The following RANBP17 variants were observed in gnomAD, a reference collection of about 807,000 sequenced individuals.
RANBP17 encodes the protein ran-binding protein 17.
In RANBP17, 158 loss-of-function variants were observed where a neutral mutation model predicts 141.2. The ratio of observed to expected loss-of-function variants is 1.12; its 90% CI spans 0.98 to 1.28. The LOEUF (loss-of-function observed/expected upper bound fraction) is 1.28. Among genes scored for constraint, RANBP17 ranks in the 50% most tolerant of loss-of-function variants. The pLI, the probability that RANBP17 is intolerant of heterozygous loss-of-function variation, is 0.00. For missense variants in RANBP17, 1,438 were observed against 1,290.7 expected (o/e 1.11, Z -1.75); for synonymous variants, 430 against 450.0 (o/e 0.96, Z 0.56).
At position 170,878,250 on chromosome 5, in the gene RANBP17, A is replaced by G. The variant is rs1561848251; in HGVS notation, c.165+7A>G. The G allele has an allele frequency of 1.3e-6, 2 of 1,599,652 alleles. No homozygotes were observed. Among genetic ancestry groups the G allele is most frequent in the Admixed American group, 1.7e-5 (1 of 58,116 alleles). On this transcript the variant is annotated splice_region_variant and intron_variant, in intron 2 of 27. Coordinates refer to ENST00000523189, the MANE Select transcript of RANBP17 (RefSeq NM_022897.5). ...TTTATTAGAACAAGGAACAGTAAGT[A>G]TTTGGTAACAATGATTAACCATGAA... is the stretch of plus-strand genomic sequence containing the variant.
intron 14 of RANBP17, among the ~76,000 whole-genome samples, chr5:170,988,611 C>G (rs1160127321): frequency 1.3e-5 from 2 of 151,570 alleles, no homozygotes; most frequent in East Asian, 3.9e-4. Flanking sequence ...ACAAGGCAAT[C>G]TTCGTCCACA....
intron 19 of RANBP17, among the ~76,000 whole-genome samples, chr5:171,204,007 G>A (rs925376530): frequency 6.6e-6 from 1 of 152,158 alleles, no homozygotes; most frequent in Admixed American, 6.6e-5. Context: ...CTGAGAAAGA[G>A]AGGAACAGGC....
chr5:171,280,959 T>C (rs1171877219), intron 25 of RANBP17, among the ~76,000 whole-genome samples: 1 of 152,218 alleles, frequency 6.6e-6, no homozygotes, highest in African/African-American at 2.4e-5. Flanking sequence ...GTTATACTAT[T>C]TGCTAACTGT....
At position 170,916,585 on chromosome 5, in the gene RANBP17, G is replaced by GT; in HGVS notation, c.954+2dup. 9 of 1,530,418 alleles carry GT rather than the reference G, an allele frequency of 5.9e-6. No individual in the cohort carries two copies. The highest frequency in any genetic ancestry group is 8.0e-6 in the Non-Finnish European group (9 of 1,130,714). The allele number at this position is 1,530,418 out of a possible 1,614,324, so 94.8% of individuals were successfully genotyped here. A position where few individuals can be genotyped will look rare whatever the true frequency, so the allele number is the denominator to read the frequency against. On this transcript the variant is annotated splice_donor_variant, in intron 9 of 27. Coordinates refer to ENST00000523189, the MANE Select transcript of RANBP17 (RefSeq NM_022897.5). LOFTEE classifies it high-confidence loss of function. ...AAAAAGGATACTTGAAAACCCTCAGGTATTTATGAAGTAATTTAATACTTA... is the reference window on the plus strand; with the variant it reads ...AAAAAGGATACTTGAAAACCCTCAGGTTATTTATGAAGTAATTTAATACTTA...
intron 14 of RANBP17, among the ~76,000 whole-genome samples, chr5:171,075,092 C>T (rs758086967): frequency 3.9e-5 from 6 of 152,138 alleles, no homozygotes; most frequent in Non-Finnish European, 8.8e-5. Flanking sequence ...ATATAAATAA[C>T]TCCCACAAGC....
intron 18 of RANBP17, among the ~76,000 whole-genome samples, chr5:171,185,915 A>G (rs1761204289): frequency 6.6e-6 from 1 of 152,232 alleles, no homozygotes; most frequent in South Asian, 2.1e-4. Flanking sequence ...GTGGCAGCCT[A>G]GAGCCTTACA....
rs202066980 is a variant in RANBP17, at chr5:170,919,624, A to G, written c.1274+11A>G. ...TGCCATAGTTGTGAGGTATTCAAAA[A>G]CTAAATGTTTTTGTTGTATTTCCTT... is the stretch of plus-strand genomic sequence containing the variant. On this transcript the variant is annotated intron_variant, in intron 11 of 27. Coordinates refer to ENST00000523189, the MANE Select transcript of RANBP17 (RefSeq NM_022897.5). The G allele has an allele frequency of 3.4e-5, 52 of 1,540,102 alleles. No individual in the cohort carries two copies. The African/African-American group carries it at 6.4e-4, about 19-fold the overall frequency.
intron 14 of RANBP17, among the ~76,000 whole-genome samples, chr5:171,091,245 A>G (rs2591498): frequency 0.62 from 94,742 of 152,084 alleles, 30,621 homozygotes; most frequent in South Asian, 0.88. Flanking sequence ...GATGTGAGAC[A>G]TGAAGTCAAA....
chr5:170,936,868 A>G (rs746731177), intron 12 of RANBP17, among the ~76,000 whole-genome samples: 1 of 152,192 alleles, frequency 6.6e-6, no homozygotes, highest in Non-Finnish European at 1.5e-5. Flanking sequence ...TTTTTGTATC[A>G]TGTAAACATT....
intron 18 of RANBP17, among the ~76,000 whole-genome samples, chr5:171,184,017 A>C (rs1377680195): frequency 6.6e-6 from 1 of 152,212 alleles, no homozygotes; most frequent in African/African-American, 2.4e-5. Flanking sequence ...GAAAAGGCTT[A>C]AGTGAAATTC....
At chr5:170,990,287 A>T (rs993380951) in intron 14 of RANBP17, among the ~76,000 whole-genome samples, 39 of 151,920 alleles carry the variant, frequency 2.6e-4, no homozygotes, top group African/African-American at 8.2e-4. Context: ...GTTGTGGCTT[A>T]CTATATTTCT....
At chr5:171,041,960 T>C (rs775089105) in intron 14 of RANBP17, among the ~76,000 whole-genome samples, 4 of 152,134 alleles carry the variant, frequency 2.6e-5, no homozygotes, top group Non-Finnish European at 4.4e-5. Context: ...GTTCTCATTA[T>C]TCTGCTCCCA....
chr5:171,273,304 A>G (rs1767247036), intron 25 of RANBP17, among the ~76,000 whole-genome samples: 1 of 151,670 alleles, frequency 6.6e-6, no homozygotes, highest in South Asian at 2.1e-4. Context: ...CATTAACTCT[A>G]TCAGTGGTCA....
chr5:171,241,582 TC>T (rs1764881942), intron 23 of RANBP17, among the ~76,000 whole-genome samples: 1 of 152,200 alleles, frequency 6.6e-6, no homozygotes, highest in Non-Finnish European at 1.5e-5. Context: ...AGAGAGGACT[TC>T]CTTGTAGTAG....
chr5:170,893,079 A>G (rs533469023), intron 4 of RANBP17, among the ~76,000 whole-genome samples: 17 of 152,296 alleles, frequency 1.1e-4, no homozygotes, highest in South Asian at 6.2e-4. Context: ...GAATGTTTTC[A>G]ATTTCATCAT....
chr5:171,018,097 C>G (rs1291143713), intron 14 of RANBP17, among the ~76,000 whole-genome samples: 1 of 151,988 alleles, frequency 6.6e-6, no homozygotes, highest in Non-Finnish European at 1.5e-5. Flanking sequence ...GGTCTCTTTT[C>G]TGTTCCATTG....
chr5:171,072,385 A>G (rs1029833139), intron 14 of RANBP17, among the ~76,000 whole-genome samples: 3 of 152,044 alleles, frequency 2.0e-5, no homozygotes, highest in Admixed American at 2.0e-4. Flanking sequence ...TTAAGACACC[A>G]TATTTGTGAC....
rs147596928 is a variant in RANBP17, at chr5:170,943,648, T to C, written c.1469-9949T>C. Among the ~76,000 whole-genome samples, 342 of 152,250 alleles carry C rather than the reference T, an allele frequency of 2.2e-3. 4 individuals carry two copies. Among genetic ancestry groups the C allele is most frequent in the Non-Finnish European group, 3.9e-3 (266 of 67,984 alleles). On this transcript the variant is annotated intron_variant, in intron 12 of 27. Coordinates refer to ENST00000523189, the MANE Select transcript of RANBP17 (RefSeq NM_022897.5). ...TTATAAAATGAGATTTAAAAAAAATTATAGATATGAAACTTATGTAGCAGA... is the reference window on the plus strand; with the variant it reads ...TTATAAAATGAGATTTAAAAAAAATCATAGATATGAAACTTATGTAGCAGA...
intron 14 of RANBP17, among the ~76,000 whole-genome samples, chr5:171,126,230 G>A (rs1161456507): frequency 2.6e-5 from 4 of 152,168 alleles, no homozygotes; most frequent in Admixed American, 2.0e-4. Flanking sequence ...CACTGGGTCA[G>A]TGGATAAATA....
Sources: allele counts gnomAD v4.1 joint callset (sites outside exome capture counted in the v4.1 genomes callset), GRCh38; gene constraint gnomAD v4.1.1; transcripts MANE v1.5; gene names NCBI Gene and HGNC (gene_info 2026-07-23, HGNC 2026-07-21).